The following POU2F1 variants were observed in gnomAD, a reference collection of about 807,000 sequenced individuals.
POU2F1 encodes POU domain, class 2, transcription factor 1.
A neutral mutation model predicts 84.9 loss-of-function variants in POU2F1; 16 were observed. The ratio of observed to expected loss-of-function variants is 0.19; its 90% CI spans 0.13 to 0.29. The LOEUF (loss-of-function observed/expected upper bound fraction) is 0.29, where lower values mean the gene tolerates loss of function less well. Among genes scored for constraint, POU2F1 ranks in the 10% least tolerant of loss-of-function variants. The pLI, the probability that POU2F1 is intolerant of heterozygous loss-of-function variation, is 1.00. For synonymous variants in POU2F1, 368 were observed against 368.3 expected, an observed-to-expected ratio of 1.00 and a Z score of 0.01; for missense variants, 738 against 942.6, an observed-to-expected ratio of 0.78 and a Z score of 2.84.
At chr1:167,380,474 C>T (rs774398936) in intron 7 of POU2F1, 1 of 152,186 alleles carries the variant, frequency 6.6e-6, no homozygotes, top group Non-Finnish European at 1.5e-5. Flanking sequence ...CACCTTGTAC[C>T]ACTGCTGCTG....
intron 1 of POU2F1, among the ~76,000 whole-genome samples, chr1:167,277,811 G>C (rs942573668): frequency 6.6e-6 from 1 of 152,174 alleles, no homozygotes; most frequent in South Asian, 2.1e-4. Flanking sequence ...TAAAGACTTA[G>C]GAGTAATTCC....
intron 1 of POU2F1, among the ~76,000 whole-genome samples, chr1:167,327,077 T>G (rs1222251665): frequency 6.6e-6 from 1 of 152,182 alleles, no homozygotes; most frequent in Non-Finnish European, 1.5e-5. Context: ...TATTCTACCT[T>G]AAAAACTCAT....
intron 1 of POU2F1, among the ~76,000 whole-genome samples, chr1:167,270,478 C>G (rs1652290805): frequency 6.6e-6 from 1 of 152,122 alleles, no homozygotes; most frequent in Admixed American, 6.5e-5. Flanking sequence ...TAGGAAATTA[C>G]CATTCCTGTT....
At chr1:167,276,389 A>G (rs1379324913) in intron 1 of POU2F1, among the ~76,000 whole-genome samples, 3 of 152,110 alleles carry the variant, frequency 2.0e-5, no homozygotes, top group Non-Finnish European at 4.4e-5. Context: ...TATAACTTCT[A>G]TTTTATTATT....
chr1:167,322,847 G>T (rs1656419918), intron 1 of POU2F1, among the ~76,000 whole-genome samples: 1 of 152,210 alleles, frequency 6.6e-6, no homozygotes, highest in Non-Finnish European at 1.5e-5. Flanking sequence ...TCTGCAGCAG[G>T]AACATGTCCT....
At chr1:167,345,368 G>GT (rs1163160404) in intron 2 of POU2F1, among the ~76,000 whole-genome samples, 2 of 152,154 alleles carry the variant, frequency 1.3e-5, no homozygotes, top group East Asian at 1.9e-4. Context: ...AGAAGGGAAT[G>GT]TAAGAAAGCA....
chr1:167,311,811 T>TA (rs1553206349), intron 1 of POU2F1, among the ~76,000 whole-genome samples: 2,128 of 145,518 alleles, frequency 0.015, 20 homozygotes, highest in South Asian at 0.026. Flanking sequence ...TTTATTTATT[T>TA]TTTCTTTTGG....
chr1:167,276,084 G>GTT (rs1264794061), intron 1 of POU2F1, among the ~76,000 whole-genome samples: 3 of 152,140 alleles, frequency 2.0e-5, no homozygotes, highest in Non-Finnish European at 4.4e-5. Context: ...ACAGTCAACT[G>GTT]CTGTCCAAAA....
intron 1 of POU2F1, among the ~76,000 whole-genome samples, chr1:167,224,466 AT>A (rs1308522674): frequency 2.0e-5 from 3 of 152,202 alleles, no homozygotes; most frequent in Non-Finnish European, 4.4e-5. Flanking sequence ...TTTAAAAAAA[AT>A]TCAGAATTCT....
intron 1 of POU2F1, among the ~76,000 whole-genome samples, chr1:167,310,142 T>C (rs752903865): frequency 2.6e-5 from 4 of 151,940 alleles, no homozygotes; most frequent in African/African-American, 4.8e-5. Context: ...TAGCAAAATA[T>C]AAATAGCAAA....
chr1:167,400,208 G>A lies in POU2F1; in HGVS notation c.1449+843G>A, dbSNP rs931293974. Among the ~76,000 whole-genome samples the A allele has an allele frequency of 6.2e-5, 9 of 145,050 alleles. No individual in the cohort carries two copies. The East Asian group carries it at 1.7e-3, about 28-fold the overall frequency. ...TCATCATGTTCTCCAGGCTGGTCTT[G>A]AACTCCTGACCTCAGGTGATCCACC... On this transcript the variant is annotated intron_variant, in intron 12 of 15. Transcript: ENST00000367866.
intron 15 of POU2F1, among the ~76,000 whole-genome samples, chr1:167,413,722 G>A (rs1239744807): frequency 1.3e-5 from 2 of 151,922 alleles, no homozygotes; most frequent in Non-Finnish European, 2.9e-5. Flanking sequence ...TGTTACCCAG[G>A]GCAATATTCA....
At chr1:167,410,208 A>G (rs1649857190) in intron 13 of POU2F1, among the ~76,000 whole-genome samples, 1 of 152,200 alleles carries the variant, frequency 6.6e-6, no homozygotes, top group African/African-American at 2.4e-5. Flanking sequence ...CTTTTTATTT[A>G]ACAATAAGAA....
chr1:167,277,023 C>G (rs1018888993), intron 1 of POU2F1, among the ~76,000 whole-genome samples: 6 of 152,162 alleles, frequency 3.9e-5, no homozygotes, highest in African/African-American at 1.4e-4. Context: ...GGGAAGTATT[C>G]TTAAGATCAT....
At chr1:167,365,928 C>A (rs1177054447) in intron 3 of POU2F1, among the ~76,000 whole-genome samples, 1 of 152,146 alleles carries the variant, frequency 6.6e-6, no homozygotes, top group Non-Finnish European at 1.5e-5. Context: ...GTGTAAGGCT[C>A]TGAGCTCCAA....
chr1:167,395,140 A>C (rs1056302090), intron 9 of POU2F1, among the ~76,000 whole-genome samples: 10 of 152,228 alleles, frequency 6.6e-5, no homozygotes, highest in Admixed American at 5.2e-4. Flanking sequence ...CAACTATCTT[A>C]CGCTTTTTTC....
chr1:167,385,547 A>G (rs557473076), intron 8 of POU2F1, among the ~76,000 whole-genome samples: 1 of 152,282 alleles, frequency 6.6e-6, no homozygotes, highest in African/African-American at 2.4e-5. Flanking sequence ...AAAGGTGCCA[A>G]AGGATTTCAA....
At chr1:167,264,951 A>T (rs548758992) in intron 1 of POU2F1, among the ~76,000 whole-genome samples, 1 of 152,234 alleles carries the variant, frequency 6.6e-6, no homozygotes, top group South Asian at 2.1e-4. Context: ...TTTCTCACAG[A>T]TACCCATGTA....
chr1:167,375,601 T>C (rs1426725072), intron 6 of POU2F1, among the ~76,000 whole-genome samples: 3 of 152,222 alleles, frequency 2.0e-5, no homozygotes, highest in Non-Finnish European at 4.4e-5. Flanking sequence ...TTGTCAAATG[T>C]CATAAGTCAT....
Sources: allele counts gnomAD v4.1 joint callset (sites outside exome capture counted in the v4.1 genomes callset), GRCh38; gene constraint gnomAD v4.1.1; transcripts MANE v1.5; gene names NCBI Gene and HGNC (gene_info 2026-07-23, HGNC 2026-07-21).